Variants in HMGA1 observed in about 807,000 individuals in gnomAD.
The protein encoded by HMGA1 is high mobility group protein HMG-I/HMG-Y.
HMGA1 carries 1 observed loss-of-function variant against 15.1 expected under a neutral mutation model. The ratio of observed to expected loss-of-function variants is 0.07; its 90% CI spans 0.02 to 0.31. HMGA1 has a LOEUF of 0.31. Ranked by LOEUF, HMGA1 falls within the 10% of genes least tolerant of loss-of-function variation. The pLI is 1.00. For synonymous variants in HMGA1, 56 were observed against 54.8 expected, an observed-to-expected ratio of 1.02 and a Z score of -0.10; for missense variants, 94 against 141.4, an observed-to-expected ratio of 0.66 and a Z score of 1.70.
intron 2 of HMGA1, among the ~76,000 whole-genome samples, chr6:34,240,436 C>T (rs1279421783): frequency 1.3e-5 from 2 of 152,154 alleles, no homozygotes; most frequent in African/African-American, 4.8e-5. Flanking sequence ...GTAGCTAGGT[C>T]TGGGCTGGCT....
In HMGA1 at chr6:34,236,962, G is replaced by A. The variant is rs995378983; in HGVS notation, c.-160G>A. 2.0e-5 allele frequency: 3 copies of A among 152,504 alleles called. No homozygotes were observed. Among genetic ancestry groups the A allele is most frequent in the Non-Finnish European group, 2.9e-5 (2 of 68,064 alleles). 9.4% of individuals were successfully genotyped at this position (152,504 alleles called of 1,614,324 possible). On this transcript the variant is annotated splice_region_variant and 5_prime_UTR_variant, in exon 1 of 6. Coordinates refer to ENST00000311487, the MANE Select transcript of HMGA1 (RefSeq NM_145899.3). ...CTGGCGCTGGCGCGGCTCCAAGAAG[G>A]CGTGAGTTCGCGGCCGCTCCGGTGG...
intron 2 of HMGA1, among the ~76,000 whole-genome samples, chr6:34,238,150 T>G (rs1476264463): frequency 6.6e-6 from 1 of 152,136 alleles, no homozygotes; most frequent in African/African-American, 2.4e-5. Context: ...AAGGCGGGCT[T>G]GGGTGCCCCC....
At chr6:34,244,270 C>T (rs1377841940) in intron 5 of HMGA1, among the ~76,000 whole-genome samples, 5 of 152,078 alleles carry the variant, frequency 3.3e-5, no homozygotes, top group Admixed American at 6.5e-5. Flanking sequence ...GCTGTAGCCC[C>T]GTGTGGTGTC....
chr6:34,245,628 C>T lies in HMGA1; in HGVS notation c.*744C>T. The stretch of plus-strand genomic sequence containing the variant: ...CATATTGTGGTGATGGAGATGCAGT[C>T]ACTTATTGTCCAGGTGAGGCCCAAG... On this transcript the variant is annotated 3_prime_UTR_variant, in exon 6 of 6. Coordinates refer to ENST00000311487, the MANE Select transcript of HMGA1 (RefSeq NM_145899.3). 1.5e-6 allele frequency: 2 copies of T among 1,378,572 alleles called. No individual in the cohort carries two copies. The highest frequency in any genetic ancestry group is 1.9e-6 in the Non-Finnish European group (2 of 1,033,930). The allele number at this position is 1,378,572 out of a possible 1,614,324, so 85.4% of individuals were successfully genotyped here.
intron 1 of HMGA1, 103 bp downstream of exon 1, chr6:34,237,066 C>G (rs532441234): frequency 6.6e-6 from 1 of 151,954 alleles, no homozygotes; most frequent in Non-Finnish European, 1.5e-5. Flanking sequence ...AGCTTCCTGC[C>G]CCTCGCCATC....
At chr6:34,238,277 G>A (rs1027810722) in intron 2 of HMGA1, among the ~76,000 whole-genome samples, 2 of 152,068 alleles carry the variant, frequency 1.3e-5, no homozygotes, top group African/African-American at 4.8e-5. Context: ...CCTGGCCCCG[G>A]GTCCCGCCGG....
chr6:34,246,220 T>C lies in HMGA1; in HGVS notation c.*1336T>C, dbSNP rs576622661. On this transcript the variant is annotated 3_prime_UTR_variant, in exon 6 of 6. Transcript: ENST00000311487. ...TGCAGTTACTTGAATAAAAAAAATA[T>C]CCTTTTCTGGACTGGAGTCTCCTGT... 52 of 309,470 alleles carry C rather than the reference T, an allele frequency of 1.7e-4. No individual in the cohort carries two copies. The highest frequency in any genetic ancestry group is 3.6e-4 in the South Asian group (3 of 8,376). 19.2% of individuals were successfully genotyped at this position (309,470 alleles called of 1,614,324 possible). A position where few individuals can be genotyped will look rare whatever the true frequency, so the allele number is the denominator to read the frequency against.
chr6:34,237,404 C>T (rs1191851649), intron 2 of HMGA1, 87 bp downstream of exon 2: 1 of 144,530 alleles, frequency 6.9e-6, no homozygotes, highest in Non-Finnish European at 1.5e-5. Context: ...GCGAGCCGCC[C>T]GGGGCTGCAG....
In HMGA1 at chr6:34,244,719, C is replaced by CT. The variant is rs1762589354; in HGVS notation, c.271-111dup. On this transcript the variant is annotated intron_variant, in intron 5 of 5. Transcript: ENST00000311487. ...GAGTCACCCACACACTCAGCCCTGA[C>CT]TCATCCCTCTTCAGGAGAGCCAGGG... The CT allele has an allele frequency of 7.1e-6, 6 of 850,910 alleles. No individual in the cohort carries two copies. The East Asian group carries it at 1.6e-4, about 23-fold the overall frequency. The allele number at this position is 850,910 out of a possible 1,614,324, so 52.7% of individuals were successfully genotyped here. A position where few individuals can be genotyped will look rare whatever the true frequency, so the allele number is the denominator to read the frequency against.
intron 2 of HMGA1, among the ~76,000 whole-genome samples, chr6:34,237,966 C>G (rs1478371907): frequency 6.6e-6 from 1 of 152,144 alleles, no homozygotes; most frequent in Non-Finnish European, 1.5e-5. Context: ...GCCGGGCCTG[C>G]CCTCCGCCCC....
chr6:34,245,099 C>T lies in HMGA1; in HGVS notation c.*215C>T. ...ATGGGCTGAGTGGGGAGCAGTTTTC[C>T]CCTGGCCTCAGTTCCCAGCTCCCCC... On this transcript the variant is annotated 3_prime_UTR_variant, in exon 6 of 6. Coordinates refer to ENST00000311487, the MANE Select transcript of HMGA1 (RefSeq NM_145899.3). 1 of 1,517,936 alleles carries T rather than the reference C, an allele frequency of 6.6e-7. No homozygotes were observed. Among genetic ancestry groups the T allele is most frequent in the South Asian group, 1.2e-5 (1 of 82,902 alleles). 94.0% of individuals were successfully genotyped at this position (1,517,936 alleles called of 1,614,324 possible). A position where few individuals can be genotyped will look rare whatever the true frequency, so the allele number is the denominator to read the frequency against.
intron 2 of HMGA1, among the ~76,000 whole-genome samples, chr6:34,237,671 C>T (rs1240253312): frequency 1.6e-5 from 2 of 122,918 alleles, no homozygotes; most frequent in African/African-American, 5.4e-5. Flanking sequence ...CGCGCGGCGG[C>T]CGCTCCCGCT....
chr6:34,242,577 G>A (rs910036567), intron 3 of HMGA1, 135 bp from the exon 4 acceptor site: 3 of 697,352 alleles, frequency 4.3e-6, no homozygotes, highest in Non-Finnish European at 7.9e-6. Flanking sequence ...ATCCTGAAGG[G>A]ATTCCTAGGT....
intron 3 of HMGA1, 141 bp downstream of exon 3, chr6:34,241,056 T>C (rs1762266778): frequency 4.2e-6 from 4 of 950,072 alleles, no homozygotes; most frequent in Non-Finnish European, 6.5e-6. Flanking sequence ...TCCTCCCACC[T>C]GTGTGTACTC....
rs17038619 is a variant in HMGA1, at chr6:34,245,956, C to T, written c.*1072C>T. Reference sequence around the variant, plus strand: ...TCCTCATTGCCTCCTGTTCTGCCCACGATCCCCTCCCCCAAGATACTCTTT... The same window carrying T: ...TCCTCATTGCCTCCTGTTCTGCCCATGATCCCCTCCCCCAAGATACTCTTT... On this transcript the variant is annotated 3_prime_UTR_variant, in exon 6 of 6. Coordinates refer to ENST00000311487, the MANE Select transcript of HMGA1 (RefSeq NM_145899.3). 5.7e-4 allele frequency: 162 copies of T among 282,668 alleles called. 1 individual carries two copies. The highest frequency in any genetic ancestry group is 1.5e-3 in the South Asian group (26 of 17,084). 17.5% of individuals were successfully genotyped at this position (282,668 alleles called of 1,614,324 possible).
In HMGA1 at chr6:34,236,912, T is replaced by C. The variant is rs1490875150; in HGVS notation, c.-210T>C. 6.6e-6 allele frequency: 1 copy of C among 152,484 alleles called. No homozygotes were observed. Among genetic ancestry groups the C allele is most frequent in the African/African-American group, 2.4e-5 (1 of 41,438 alleles). The allele number at this position is 152,484 out of a possible 1,614,324, so 9.4% of individuals were successfully genotyped here. Reference sequence around the variant, plus strand: ...CTGAGCCGGTGCTGCGCTCCTCTAATTGGGACTCCGAGCCGGGGCTATTTC... The same window carrying C: ...CTGAGCCGGTGCTGCGCTCCTCTAACTGGGACTCCGAGCCGGGGCTATTTC... On this transcript the variant is annotated 5_prime_UTR_variant, in exon 1 of 6. Coordinates refer to ENST00000311487, the MANE Select transcript of HMGA1 (RefSeq NM_145899.3).
chr6:34,245,478 A>G lies in HMGA1; in HGVS notation c.*594A>G, dbSNP rs1341589521. On this transcript the variant is annotated 3_prime_UTR_variant, in exon 6 of 6. Coordinates refer to ENST00000311487, the MANE Select transcript of HMGA1 (RefSeq NM_145899.3). The stretch of plus-strand genomic sequence containing the variant: ...GGGGCTCACTTTTCATCCTTCCCCA[A>G]CTTCCCTAGTCCCCGTACTAGGTTG... 2.6e-5 allele frequency: 36 copies of G among 1,379,584 alleles called. No individual in the cohort carries two copies. Among genetic ancestry groups the G allele is most frequent in the Non-Finnish European group, 3.2e-5 (33 of 1,037,366 alleles). 85.5% of individuals were successfully genotyped at this position (1,379,584 alleles called of 1,614,324 possible). A position where few individuals can be genotyped will look rare whatever the true frequency, so the allele number is the denominator to read the frequency against.
Position 34,245,433 on chromosome 6 carries a change from A to T in HMGA1, c.*549A>T. 7.3e-7 allele frequency: 1 copy of T among 1,368,170 alleles called. No individual in the cohort carries two copies. Among genetic ancestry groups the T allele is most frequent in the Non-Finnish European group, 9.7e-7 (1 of 1,035,560 alleles). 84.8% of individuals were successfully genotyped at this position (1,368,170 alleles called of 1,614,324 possible). ...CTGGCCCCCAGGATTCCCCCAGCCAAACTGTCTTTGTCACCACGTGGGGCT... is the reference window on the plus strand; with the variant it reads ...CTGGCCCCCAGGATTCCCCCAGCCATACTGTCTTTGTCACCACGTGGGGCT... On this transcript the variant is annotated 3_prime_UTR_variant, in exon 6 of 6. Coordinates refer to ENST00000311487, the MANE Select transcript of HMGA1 (RefSeq NM_145899.3).
At position 34,238,046 on chromosome 6, in the gene HMGA1, A is replaced by G. The variant is rs186006155; in HGVS notation, c.-45+729A>G. ...CCCTTTGACTCCCCGTTTCTATTTT[A>G]TTTTCTTCTGGGGCTTTATTTTGCG... On this transcript the variant is annotated intron_variant, in intron 2 of 5. Coordinates refer to ENST00000311487, the MANE Select transcript of HMGA1 (RefSeq NM_145899.3). 5.8e-3 allele frequency among the ~76,000 whole-genome samples: 875 copies of G among 151,586 alleles called. 6 individuals are homozygous for G. The highest frequency in any genetic ancestry group is 0.01 in the Non-Finnish European group (685 of 67,824).
Sources: allele counts gnomAD v4.1 joint callset (sites outside exome capture counted in the v4.1 genomes callset), GRCh38; gene constraint gnomAD v4.1.1; transcripts MANE v1.5; gene names NCBI Gene and HGNC (gene_info 2026-07-23, HGNC 2026-07-21).